Variants in LRP1B observed in about 807,000 individuals in gnomAD.
LRP1B encodes the protein low-density lipoprotein receptor-related protein 1B.
A neutral mutation model predicts 556.6 loss-of-function variants in LRP1B; 217 were observed. That is an observed-to-expected ratio of 0.39 (90% confidence interval 0.35 to 0.44). The LOEUF is 0.44. Among genes scored for constraint, LRP1B ranks in the 20% least tolerant of loss-of-function variants. The pLI is 1.00. For missense variants in LRP1B, 5,053 were observed against 5,620.8 expected (o/e 0.90, Z 3.23); for synonymous variants, 2,047 against 1,865.8 (o/e 1.10, Z -2.50).
At chr2:141,843,066 G>A (rs1026112497) in intron 1 of LRP1B, among the ~76,000 whole-genome samples, 5 of 152,022 alleles carry the variant, frequency 3.3e-5, no homozygotes, top group Non-Finnish European at 5.9e-5. Flanking sequence ...CCTTTTAGTA[G>A]TTTTAGTCCA....
At chr2:140,419,553 A>T (rs1685344913) in intron 66 of LRP1B, among the ~76,000 whole-genome samples, 1 of 152,254 alleles carries the variant, frequency 6.6e-6, no homozygotes, top group African/African-American at 2.4e-5. Context: ...TCTAGAGAAT[A>T]AAAAGTACTT....
intron 1 of LRP1B, among the ~76,000 whole-genome samples, chr2:141,900,101 T>A (rs1486416666): frequency 6.6e-6 from 1 of 152,138 alleles, no homozygotes; most frequent in African/African-American, 2.4e-5. Flanking sequence ...CATTTGTGAT[T>A]GACTGATTTA....
At chr2:141,468,727 T>A (rs1682338199) in intron 3 of LRP1B, among the ~76,000 whole-genome samples, 1 of 152,142 alleles carries the variant, frequency 6.6e-6, no homozygotes, top group East Asian at 1.9e-4. Context: ...GAGTCATTTA[T>A]TGAACTGTAT....
chr2:141,571,369 A>G (rs905802609), intron 2 of LRP1B, among the ~76,000 whole-genome samples: 1 of 143,660 alleles, frequency 7.0e-6, no homozygotes, highest in Non-Finnish European at 1.6e-5. Flanking sequence ...ACCAACAACA[A>G]CAGCATCAAC....
At chr2:141,190,922 A>G (rs575727269) in intron 6 of LRP1B, among the ~76,000 whole-genome samples, 1 of 152,036 alleles carries the variant, frequency 6.6e-6, no homozygotes, top group South Asian at 2.1e-4. Context: ...AGAAACAGCA[A>G]ATACTGCAAA....
rs182426421 is a variant in LRP1B, at chr2:141,037,240, G to A, written c.1789+11746C>T. On this transcript the variant is annotated intron_variant, in intron 11 of 90. Coordinates refer to ENST00000389484, the MANE Select transcript of LRP1B (RefSeq NM_018557.3). ...GGAGGGATCTGAAAGCTTTGGCTCCGTAAAGGTAATTATAACAAAAACAAA... is the reference window on the plus strand; with the variant it reads ...GGAGGGATCTGAAAGCTTTGGCTCCATAAAGGTAATTATAACAAAAACAAA... Among the ~76,000 whole-genome samples the A allele has an allele frequency of 2.8e-3, 425 of 152,128 alleles. 3 individuals are homozygous for A. Among genetic ancestry groups the A allele is most frequent in the African/African-American group, 9.5e-3 (396 of 41,540 alleles).
intron 23 of LRP1B, among the ~76,000 whole-genome samples, chr2:140,889,577 G>T (rs144384300): frequency 1.3e-5 from 2 of 152,092 alleles, no homozygotes; most frequent in Non-Finnish European, 2.9e-5. Context: ...GATTACAGAC[G>T]TAAGCCACCT....
chr2:140,886,584 A>G (rs1288286291), intron 23 of LRP1B, among the ~76,000 whole-genome samples: 1 of 151,522 alleles, frequency 6.6e-6, no homozygotes, highest in Non-Finnish European at 1.5e-5. Flanking sequence ...TAAAGAATAG[A>G]AGAATTATTG....
chr2:141,776,464 T>C (rs1455294385), intron 2 of LRP1B, among the ~76,000 whole-genome samples: 2 of 152,236 alleles, frequency 1.3e-5, no homozygotes, highest in African/African-American at 4.8e-5. Context: ...TATTGTTTTG[T>C]GGATGTTATT....
chr2:141,166,303 A>T (rs987822810), intron 7 of LRP1B, among the ~76,000 whole-genome samples: 1 of 150,568 alleles, frequency 6.6e-6, no homozygotes, highest in African/African-American at 2.4e-5. Flanking sequence ...CTTTTCCTTT[A>T]GATAACATCT....
chr2:141,649,398 T>G (rs558077862), intron 2 of LRP1B, among the ~76,000 whole-genome samples: 1 of 152,314 alleles, frequency 6.6e-6, no homozygotes, highest in African/African-American at 2.4e-5. Flanking sequence ...AATATTCTCT[T>G]CTTACCATAA....
intron 7 of LRP1B, among the ~76,000 whole-genome samples, chr2:141,119,284 A>G (rs1352492005): frequency 1.3e-5 from 2 of 151,902 alleles, no homozygotes; most frequent in Non-Finnish European, 2.9e-5. Context: ...ATAAGAAAAG[A>G]AAGGTCTTAG....
intron 3 of LRP1B, among the ~76,000 whole-genome samples, chr2:141,279,875 T>C (rs1289260986): frequency 6.6e-6 from 1 of 152,222 alleles, no homozygotes; most frequent in East Asian, 1.9e-4. Flanking sequence ...AAGATAAAGT[T>C]AATGTCTCAA....
At chr2:141,084,330 C>A (rs1482308928) in intron 7 of LRP1B, among the ~76,000 whole-genome samples, 3 of 152,056 alleles carry the variant, frequency 2.0e-5, no homozygotes, top group African/African-American at 7.2e-5. Context: ...TGTGCGCATT[C>A]CCATTATCTT....
At chr2:142,119,215 G>A (rs572885009) in intron 1 of LRP1B, among the ~76,000 whole-genome samples, 23 of 152,190 alleles carry the variant, frequency 1.5e-4, no homozygotes, top group African/African-American at 5.5e-4. Flanking sequence ...TACCATGCTT[G>A]AAAACTAAGA....
At chr2:141,248,073 TG>T (rs1684133440) in intron 4 of LRP1B, among the ~76,000 whole-genome samples, 1 of 152,072 alleles carries the variant, frequency 6.6e-6, no homozygotes. Context: ...CCAGGCACAA[TG>T]GTGTGTGCCT....
At position 140,252,087 on chromosome 2, in the gene LRP1B, A is replaced by C. The variant is rs201560070; in HGVS notation, c.13248-4925T>G. On this transcript the variant is annotated intron_variant, in intron 86 of 90. Transcript: ENST00000389484. ...CAAAAAAAAAAAAAAAAAAAAAAAA[A>C]AACCCAAAAAACAAAAAAAAACAGA... Among the ~76,000 whole-genome samples the C allele has an allele frequency of 8.3e-4, 93 of 111,674 alleles. 2 individuals are homozygous for C. Among genetic ancestry groups the C allele is most frequent in the African/African-American group, 3.1e-3 (76 of 24,582 alleles). 73.3% of individuals were successfully genotyped at this position (111,674 alleles called of 152,430 possible).
At chr2:140,852,351 G>A (rs1459227524) in intron 27 of LRP1B, among the ~76,000 whole-genome samples, 4 of 152,038 alleles carry the variant, frequency 2.6e-5, no homozygotes, top group Non-Finnish European at 4.4e-5. Context: ...AAAAAAAGAC[G>A]TCAAGACTTT....
chr2:141,954,655 C>T (rs1409806675), intron 1 of LRP1B, among the ~76,000 whole-genome samples: 1 of 152,056 alleles, frequency 6.6e-6, no homozygotes, highest in East Asian at 1.9e-4. Flanking sequence ...TTGTCTTAAT[C>T]GTTGTTACTA....
Sources: allele counts gnomAD v4.1 joint callset (sites outside exome capture counted in the v4.1 genomes callset), GRCh38; gene constraint gnomAD v4.1.1; transcripts MANE v1.5; gene names NCBI Gene and HGNC (gene_info 2026-07-23, HGNC 2026-07-21).